Variants in ABLIM1 observed in about 807,000 individuals in gnomAD.
The protein encoded by ABLIM1 is actin-binding LIM protein 1.
In ABLIM1, 40 loss-of-function variants were observed where a neutral mutation model predicts 107.0. That is an observed-to-expected ratio of 0.37 (90% CI 0.29 to 0.49). ABLIM1 has a LOEUF of 0.49. Ranked by LOEUF, ABLIM1 falls within the 20% of genes least tolerant of loss-of-function variation. The pLI, the probability that ABLIM1 is intolerant of heterozygous loss-of-function variation, is 0.97. For synonymous variants in ABLIM1, 357 were observed against 357.3 expected, an observed-to-expected ratio of 1.00 and a Z score of 0.01; for missense variants, 857 against 1,008.5, an observed-to-expected ratio of 0.85 and a Z score of 2.04.
chr10:114,534,578 T>C (rs1436872743), intron 6 of ABLIM1, among the ~76,000 whole-genome samples: 1 of 152,036 alleles, frequency 6.6e-6, no homozygotes, highest in Non-Finnish European at 1.5e-5. Context: ...GACGCATGCC[T>C]TATCTCTCTG....
chr10:114,720,404 G>A (rs1591884050), intron 1 of ABLIM1, among the ~76,000 whole-genome samples: 1 of 152,252 alleles, frequency 6.6e-6, no homozygotes, highest in Non-Finnish European at 1.5e-5. Context: ...TGGGATTGTT[G>A]AGTCAAATGG....
At chr10:114,691,774 T>C (rs2081084206) in intron 1 of ABLIM1, among the ~76,000 whole-genome samples, 1 of 152,234 alleles carries the variant, frequency 6.6e-6, no homozygotes, top group African/African-American at 2.4e-5. Context: ...CATTTTCATT[T>C]GGCACATGAG....
intron 1 of ABLIM1, among the ~76,000 whole-genome samples, chr10:114,718,515 T>C (rs1456607131): frequency 2.0e-5 from 3 of 152,240 alleles, no homozygotes; most frequent in Admixed American, 6.5e-5. Flanking sequence ...CATTCTCTCC[T>C]GATTCAGGCG....
At chr10:114,779,998 G>A in the ABLIM1 span, 4 of 151,882 alleles carry the variant, frequency 2.6e-5, no homozygotes, top group East Asian at 7.7e-4. Context: ...TATTAAAAGG[G>A]TTGTGTACAC....
At chr10:114,513,515 G>A (rs569599878) in intron 6 of ABLIM1, among the ~76,000 whole-genome samples, 1 of 152,256 alleles carries the variant, frequency 6.6e-6, no homozygotes, top group African/African-American at 2.4e-5. Context: ...TCCTGAGCAG[G>A]TTAATACCAC....
At chr10:114,746,088 T>A (rs938745575) in intron 1 of ABLIM1, among the ~76,000 whole-genome samples, 16 of 152,304 alleles carry the variant, frequency 1.1e-4, no homozygotes, top group Non-Finnish European at 1.9e-4. Context: ...ATCACCTCAA[T>A]ATTTAACTTG....
chr10:114,776,484 G>A, the ABLIM1 span, among the ~76,000 whole-genome samples: 3 of 151,900 alleles, frequency 2.0e-5, no homozygotes, highest in Non-Finnish European at 4.4e-5. Context: ...GTGGTGGCAC[G>A]TGCCTGTAGC....
intron 6 of ABLIM1, among the ~76,000 whole-genome samples, chr10:114,495,371 AGAT>A (rs2059530033): frequency 6.6e-6 from 1 of 151,666 alleles, no homozygotes; most frequent in African/African-American, 2.4e-5. Context: ...TGTAAAGTAG[AGAT>A]GATGATGGTG....
intron 1 of ABLIM1, among the ~76,000 whole-genome samples, chr10:114,767,647 A>G (rs1591969282): frequency 6.6e-6 from 1 of 151,550 alleles, no homozygotes; most frequent in Admixed American, 6.6e-5. Context: ...TAAGCACTGC[A>G]GCTTTAAATC....
intron 4 of ABLIM1, among the ~76,000 whole-genome samples, chr10:114,565,775 T>C (rs1318525585): frequency 7.0e-6 from 1 of 142,462 alleles, no homozygotes; most frequent in Non-Finnish European, 1.5e-5. Flanking sequence ...CGATGCTTTA[T>C]CTGAAATGAT....
chr10:114,788,355 A>C, the ABLIM1 span, among the ~76,000 whole-genome samples: 3 of 150,172 alleles, frequency 2.0e-5, no homozygotes, highest in East Asian at 5.8e-4. Context: ...AAAATAAATA[A>C]ATAAATAAAT....
intron 1 of ABLIM1, among the ~76,000 whole-genome samples, chr10:114,640,801 T>C (rs772825999): frequency 1.3e-5 from 2 of 152,032 alleles, no homozygotes; most frequent in Non-Finnish European, 2.9e-5. Flanking sequence ...AAATAGAAAA[T>C]AAGAACTACT....
At chr10:114,794,253 C>T in the ABLIM1 span, among the ~76,000 whole-genome samples, 1,511 of 152,348 alleles carry the variant, frequency 9.9e-3, 17 homozygotes, top group African/African-American at 0.034. Context: ...GCTTCATTTT[C>T]TCTTCACTAC....
chr10:114,648,796 G>A (rs575162479), intron 1 of ABLIM1, among the ~76,000 whole-genome samples: 4 of 152,256 alleles, frequency 2.6e-5, no homozygotes, highest in Non-Finnish European at 5.9e-5. Flanking sequence ...CTTACTACCT[G>A]GTAGGGAGAC....
intron 1 of ABLIM1, among the ~76,000 whole-genome samples, chr10:114,671,250 C>T (rs917358136): frequency 6.6e-5 from 10 of 152,196 alleles, no homozygotes; most frequent in African/African-American, 1.9e-4. Flanking sequence ...CTCATCCATG[C>T]AGTTGTGTGT....
intron 1 of ABLIM1, chr10:114,632,078 C>T (rs2078220038): frequency 2.0e-6 from 2 of 985,216 alleles, no homozygotes; most frequent in African/African-American, 3.5e-5. Flanking sequence ...GAGTCCCGCC[C>T]CGCCTCGGCG....
At chr10:114,718,043 G>GAA (rs769566850) in intron 1 of ABLIM1, among the ~76,000 whole-genome samples, 1,314 of 76,944 alleles carry the variant, frequency 0.017, 36 homozygotes, top group African/African-American at 0.055. Context: ...GAAAGAGAAA[G>GAA]AGAAAGAAAG....
chr10:114,578,314 AAAACC>A (rs777845553), intron 2 of ABLIM1, among the ~76,000 whole-genome samples: 35 of 152,060 alleles, frequency 2.3e-4, no homozygotes, highest in Non-Finnish European at 1.6e-4. Context: ...CATCCCCCAT[AAAACC>A]TTCTGCTGTT....
intron 1 of ABLIM1, among the ~76,000 whole-genome samples, chr10:114,657,522 C>T (rs560736275): frequency 1.3e-5 from 2 of 152,266 alleles, no homozygotes; most frequent in Non-Finnish European, 2.9e-5. Flanking sequence ...GAACATTTCA[C>T]AAGACGAGCC....
Sources: allele counts gnomAD v4.1 joint callset (sites outside exome capture counted in the v4.1 genomes callset), GRCh38; gene constraint gnomAD v4.1.1; transcripts MANE v1.5; gene names NCBI Gene and HGNC (gene_info 2026-07-23, HGNC 2026-07-21).